NFIB: variants seen among roughly 807,000 people sequenced by gnomAD.
NFIB encodes the protein nuclear factor I B, also known as nuclear factor 1 B-type.
Under a neutral mutation model 61.5 loss-of-function variants are expected in NFIB, and 11 were observed. The observed-to-expected ratio is 0.18, with a 90% CI of 0.11 to 0.30. The LOEUF (loss-of-function observed/expected upper bound fraction) is 0.30, where lower values mean the gene tolerates loss of function less well. Among genes scored for constraint, NFIB ranks in the 10% least tolerant of loss-of-function variants. The pLI is 1.00. For synonymous variants in NFIB, 260 were observed against 216.5 expected (o/e 1.20, Z -1.76); for missense variants, 471 against 608.9 (o/e 0.77, Z 2.38).
At chr9:14,397,579 A>G (rs1261760406) in intron 1 of NFIB, among the ~76,000 whole-genome samples, 3 of 152,182 alleles carry the variant, frequency 2.0e-5, no homozygotes, top group African/African-American at 7.2e-5. Context: ...CTGGCCCAAA[A>G]CTAAGGACCC....
intron 2 of NFIB, among the ~76,000 whole-genome samples, chr9:14,227,141 CAAAAA>C (rs747407066): frequency 2.3e-5 from 2 of 85,136 alleles, no homozygotes; most frequent in Non-Finnish European, 5.1e-5. Context: ...AACTCCGTGT[CAAAAA>C]AAAAAAAAAA....
chr9:14,126,931 C>G (rs973018094), intron 6 of NFIB, among the ~76,000 whole-genome samples: 1 of 152,188 alleles, frequency 6.6e-6, no homozygotes, highest in Non-Finnish European at 1.5e-5. Context: ...GAACTGGACT[C>G]ACTTTCGGCT....
At chr9:14,436,955 T>C in the NFIB span, among the ~76,000 whole-genome samples, 4 of 152,090 alleles carry the variant, frequency 2.6e-5, no homozygotes, top group African/African-American at 9.7e-5. Context: ...AGTTTTCAAA[T>C]GAGGTTGAAG....
chr9:14,331,100 C>T (rs1449858434), intron 1 of NFIB, among the ~76,000 whole-genome samples: 1 of 152,172 alleles, frequency 6.6e-6, no homozygotes, highest in Non-Finnish European at 1.5e-5. Context: ...TTTCTCCCAA[C>T]TTTAGATTAA....
At chr9:14,363,147 T>C (rs1056294663) in intron 1 of NFIB, among the ~76,000 whole-genome samples, 3 of 152,188 alleles carry the variant, frequency 2.0e-5, no homozygotes, top group Non-Finnish European at 2.9e-5. Flanking sequence ...CACCAAATTT[T>C]AGCTCAATAA....
chr9:14,481,987 G>A, the NFIB span, among the ~76,000 whole-genome samples: 1 of 151,946 alleles, frequency 6.6e-6, no homozygotes, highest in Non-Finnish European at 1.5e-5. Context: ...TGAAGCCCTT[G>A]AAAGTTATTT....
chr9:14,441,338 G>A, the NFIB span, among the ~76,000 whole-genome samples: 1 of 152,132 alleles, frequency 6.6e-6, no homozygotes, highest in South Asian at 2.1e-4. Flanking sequence ...AGCAGGATTT[G>A]GCAAGGCTCA....
intron 2 of NFIB, chr9:14,204,653 C>T: frequency 3.1e-6 from 2 of 655,280 alleles, no homozygotes; most frequent in Non-Finnish European, 2.7e-6. Flanking sequence ...ACCTGTCCTT[C>T]AAGCAGGAGT....
intron 2 of NFIB, among the ~76,000 whole-genome samples, chr9:14,211,323 A>C (rs2050283156): frequency 6.6e-6 from 1 of 152,224 alleles, no homozygotes; most frequent in African/African-American, 2.4e-5. Context: ...TGGACCTGGG[A>C]AGTTTCTTAA....
At chr9:14,266,327 G>A (rs900368567) in intron 2 of NFIB, among the ~76,000 whole-genome samples, 7 of 152,034 alleles carry the variant, frequency 4.6e-5, no homozygotes, top group Admixed American at 1.3e-4. Flanking sequence ...GTGGTGACTC[G>A]CACCTGTAAT....
At chr9:14,286,214 A>G (rs1385076938) in intron 2 of NFIB, among the ~76,000 whole-genome samples, 1 of 152,204 alleles carries the variant, frequency 6.6e-6, no homozygotes, top group African/African-American at 2.4e-5. Context: ...CAGGAAGCCT[A>G]ACACATACTC....
intron 2 of NFIB, among the ~76,000 whole-genome samples, chr9:14,218,071 T>C (rs901350631): frequency 1.1e-4 from 16 of 152,250 alleles, no homozygotes; most frequent in Admixed American, 3.3e-4. Flanking sequence ...GTAGATTTCA[T>C]CGAACTTTTA....
chr9:14,171,176 G>C (rs2045525056), intron 3 of NFIB, among the ~76,000 whole-genome samples: 1 of 152,134 alleles, frequency 6.6e-6, no homozygotes, highest in Non-Finnish European at 1.5e-5. Flanking sequence ...AAAAACCCCT[G>C]ATGACTCACT....
chr9:14,126,172 A>T (rs142743915), intron 6 of NFIB, among the ~76,000 whole-genome samples: 2 of 152,322 alleles, frequency 1.3e-5, no homozygotes, highest in African/African-American at 4.8e-5. Flanking sequence ...ACCTTCAGGT[A>T]TGTTGGTCAC....
At chr9:14,384,012 C>T (rs567984536) in intron 1 of NFIB, among the ~76,000 whole-genome samples, 20 of 152,274 alleles carry the variant, frequency 1.3e-4, no homozygotes, top group Admixed American at 5.9e-4. Flanking sequence ...TGCCCAGGCT[C>T]GTGATTGGCT....
chr9:14,466,967 T>A, the NFIB span, among the ~76,000 whole-genome samples: 1 of 152,034 alleles, frequency 6.6e-6, no homozygotes, highest in Non-Finnish European at 1.5e-5. Context: ...GATTCACCAT[T>A]CCAGGACCAC....
At chr9:14,134,111 G>C (rs1357655324) in intron 6 of NFIB, among the ~76,000 whole-genome samples, 1 of 152,082 alleles carries the variant, frequency 6.6e-6, no homozygotes, top group East Asian at 1.9e-4. Flanking sequence ...GAGGTGCATG[G>C]GTAAAGTCAC....
intron 8 of NFIB, among the ~76,000 whole-genome samples, chr9:14,119,389 A>C (rs988806345): frequency 1.3e-5 from 2 of 152,204 alleles, no homozygotes; most frequent in Non-Finnish European, 2.9e-5. Context: ...ACTAAAAGTA[A>C]TGATAACTTT....
chr9:14,133,688 G>C (rs1014246775), intron 6 of NFIB, among the ~76,000 whole-genome samples: 7 of 152,144 alleles, frequency 4.6e-5, no homozygotes, highest in Non-Finnish European at 8.8e-5. Flanking sequence ...GTGTTGAAGA[G>C]AGGAAAGTGT....
Sources: gnomAD v4.1 joint callset for allele counts (sites outside exome capture counted in the v4.1 genomes callset) on GRCh38, gnomAD v4.1.1 for gene constraint, MANE v1.5 for transcripts, NCBI Gene and HGNC (gene_info 2026-07-23, HGNC 2026-07-21) for gene names.